TPD52L1: variants seen among roughly 807,000 people sequenced by gnomAD.
TPD52L1 encodes the protein tumor protein D53.
TPD52L1 carries 18 observed loss-of-function variants against 28.7 expected under a neutral mutation model. That is an observed-to-expected ratio of 0.63 (90% confidence interval 0.43 to 0.93). The LOEUF (loss-of-function observed/expected upper bound fraction) is 0.93, where lower values mean the gene tolerates loss of function less well. TPD52L1 is among the 40% of genes least tolerant of loss of function. TPD52L1 has a pLI of 0.00. For missense variants in TPD52L1, 203 were observed against 254.8 expected, an observed-to-expected ratio of 0.80 and a Z score of 1.39; for synonymous variants, 75 against 88.8, an observed-to-expected ratio of 0.84 and a Z score of 0.88.
chr6:125,184,007 G>A (rs554187250), intron 1 of TPD52L1, among the ~76,000 whole-genome samples: 3 of 152,132 alleles, frequency 2.0e-5, no homozygotes, highest in Non-Finnish European at 4.4e-5. Flanking sequence ...ATCAATCAGG[G>A]TCCAGTTGCA....
chr6:125,194,907 C>CA (rs1349888653), intron 1 of TPD52L1, among the ~76,000 whole-genome samples: 3 of 152,148 alleles, frequency 2.0e-5, no homozygotes, highest in Non-Finnish European at 4.4e-5. Flanking sequence ...TATTCAAGGG[C>CA]AAAGTTTGAG....
intron 1 of TPD52L1, chr6:125,154,223 A>C (rs1278113788): frequency 2.7e-5 from 36 of 1,346,614 alleles, no homozygotes; most frequent in Non-Finnish European, 3.2e-5. Context: ...CGCCCGTGGA[A>C]TGCTCTACCC....
chr6:125,172,614 T>TGA (rs1791566915), intron 1 of TPD52L1, among the ~76,000 whole-genome samples: 1 of 116,060 alleles, frequency 8.6e-6, no homozygotes, highest in South Asian at 2.6e-4. Context: ...TAAATATATA[T>TGA]AATTATATAT....
At chr6:125,174,803 T>C (rs1791719140) in intron 1 of TPD52L1, among the ~76,000 whole-genome samples, 1 of 152,200 alleles carries the variant, frequency 6.6e-6, no homozygotes, top group Admixed American at 6.5e-5. Flanking sequence ...TGGATGTTGA[T>C]GATAACAAGA....
At chr6:125,252,837 C>T (rs1354044744) in intron 4 of TPD52L1, 1 of 152,188 alleles carries the variant, frequency 6.6e-6, no homozygotes, top group African/African-American at 2.4e-5. Context: ...CAAAGTGCTA[C>T]CCATACTAAT....
Position 125,164,457 on chromosome 6 carries a change from G to A in TPD52L1, c.19+10487G>A, listed in dbSNP as rs116863436. On this transcript the variant is annotated intron_variant, in intron 1 of 6. Transcript: ENST00000534000. ...TTATCACCAGCTCAAACAAAAGTCT[G>A]TTCAGATATGTTATTCCACTTGGTG... Among the ~76,000 whole-genome samples, 289 of 152,244 alleles carry A rather than the reference G, an allele frequency of 1.9e-3. 1 individual carries two copies. The highest frequency in any genetic ancestry group is 3.0e-3 in the Non-Finnish European group (206 of 68,018).
chr6:125,213,432 G>A (rs1196947300), intron 1 of TPD52L1, among the ~76,000 whole-genome samples: 1 of 151,946 alleles, frequency 6.6e-6, no homozygotes, highest in Non-Finnish European at 1.5e-5. Flanking sequence ...GAAGTTTTTT[G>A]CAGATACTAC....
At chr6:125,170,354 C>T (rs73771243) in intron 1 of TPD52L1, among the ~76,000 whole-genome samples, 9,447 of 150,220 alleles carry the variant, frequency 0.063, 576 homozygotes, top group East Asian at 0.33. Flanking sequence ...TAGGAAACAC[C>T]GAGATTAGGT....
At chr6:125,189,081 C>A (rs948994892) in intron 1 of TPD52L1, among the ~76,000 whole-genome samples, 1 of 152,188 alleles carries the variant, frequency 6.6e-6, no homozygotes, top group Non-Finnish European at 1.5e-5. Flanking sequence ...GAAGACTGGT[C>A]ATCTTGGTAT....
intron 3 of TPD52L1, among the ~76,000 whole-genome samples, chr6:125,244,490 C>T (rs1451427466): frequency 6.6e-6 from 1 of 152,196 alleles, no homozygotes; most frequent in African/African-American, 2.4e-5. Flanking sequence ...ACCTCACAGC[C>T]TTATTCCTGT....
chr6:125,199,516 T>G (rs532674122), intron 1 of TPD52L1, among the ~76,000 whole-genome samples: 1 of 152,224 alleles, frequency 6.6e-6, no homozygotes, highest in South Asian at 2.1e-4. Flanking sequence ...TAAAACCTCA[T>G]CTCTACTAAA....
At chr6:125,168,663 G>T (rs554001961) in intron 1 of TPD52L1, among the ~76,000 whole-genome samples, 1 of 151,842 alleles carries the variant, frequency 6.6e-6, no homozygotes, top group Non-Finnish European at 1.5e-5. Flanking sequence ...GACTACAGGC[G>T]CCCGCCACCA....
At chr6:125,242,020 T>A (rs1796642639) in intron 3 of TPD52L1, among the ~76,000 whole-genome samples, 1 of 152,068 alleles carries the variant, frequency 6.6e-6, no homozygotes, top group African/African-American at 2.4e-5. Flanking sequence ...TGATAAGTTG[T>A]CTCACTATTA....
In TPD52L1 at chr6:125,176,749, C is replaced by G. The variant is rs1358090899; in HGVS notation, c.19+22779C>G. ...ACTATCATATATTATTAAACTATCT[C>G]TGGCAGCCTGATGTGGTGACTCACA... On this transcript the variant is annotated intron_variant, in intron 1 of 6. Coordinates refer to ENST00000534000, the MANE Select transcript of TPD52L1 (RefSeq NM_003287.4). 2.6e-5 allele frequency among the ~76,000 whole-genome samples: 4 copies of G among 152,236 alleles called. No individual in the cohort carries two copies. In the East Asian group the frequency reaches 5.8e-4, roughly 22 times the overall value.
chr6:125,260,593 T>G (rs1261753847), intron 6 of TPD52L1, among the ~76,000 whole-genome samples: 2 of 151,866 alleles, frequency 1.3e-5, no homozygotes, highest in Non-Finnish European at 2.9e-5. Flanking sequence ...TCACTAGAGG[T>G]CAAGAGTTCG....
Position 125,263,930 on chromosome 6 carries a change from A to G in TPD52L1, c.*968A>G, listed in dbSNP as rs1798192656. ...GAGAGAGGATATGAAAATAAATATT[A>G]CCTCAGCTATCCTAGGATGTTAAAA... On this transcript the variant is annotated 3_prime_UTR_variant, in exon 7 of 7. Coordinates refer to ENST00000534000, the MANE Select transcript of TPD52L1 (RefSeq NM_003287.4). The G allele has an allele frequency of 6.6e-6, 1 of 152,158 alleles. No homozygotes were observed. The highest frequency in any genetic ancestry group is 6.5e-5 in the Admixed American group (1 of 15,270). 9.4% of individuals were successfully genotyped at this position (152,158 alleles called of 1,614,324 possible).
chr6:125,181,134 T>C (rs1792169415), intron 1 of TPD52L1, among the ~76,000 whole-genome samples: 1 of 152,110 alleles, frequency 6.6e-6, no homozygotes, highest in African/African-American at 2.4e-5. Flanking sequence ...ACGATGTTAA[T>C]ATTATAATGT....
At chr6:125,183,004 T>G (rs1562236515) in intron 1 of TPD52L1, among the ~76,000 whole-genome samples, 1 of 152,216 alleles carries the variant, frequency 6.6e-6, no homozygotes, top group Non-Finnish European at 1.5e-5. Flanking sequence ...CAAATTCCCC[T>G]TTTTTGAGGA....
At chr6:125,174,212 T>G (rs1791685208) in intron 1 of TPD52L1, among the ~76,000 whole-genome samples, 1 of 152,182 alleles carries the variant, frequency 6.6e-6, no homozygotes, top group African/African-American at 2.4e-5. Context: ...AATATGCATT[T>G]AATATCCCCT....
Sources: gnomAD v4.1 joint callset for allele counts (sites outside exome capture counted in the v4.1 genomes callset) on GRCh38, gnomAD v4.1.1 for gene constraint, MANE v1.5 for transcripts, NCBI Gene and HGNC (gene_info 2026-07-23, HGNC 2026-07-21) for gene names.